NR6A1: variants seen among roughly 807,000 people sequenced by gnomAD.
NR6A1 encodes retinoic acid receptor-related testis-associated receptor.
A neutral mutation model predicts 59.1 loss-of-function variants in NR6A1; 7 were observed. The observed-to-expected ratio is 0.12, with a 90% CI of 0.07 to 0.22. NR6A1 has a LOEUF of 0.22. Among genes scored for constraint, NR6A1 ranks in the 10% least tolerant of loss-of-function variants. The probability of loss-of-function intolerance (pLI) is 1.00; values close to 1 mark genes in which losing one functional copy is unlikely to be tolerated. For synonymous variants in NR6A1, 243 were observed against 236.1 expected, an observed-to-expected ratio of 1.03 and a Z score of -0.27; for missense variants, 468 against 611.6, an observed-to-expected ratio of 0.77 and a Z score of 2.48.
At chr9:124,639,429 T>C (rs1836708117) in intron 2 of NR6A1, among the ~76,000 whole-genome samples, 1 of 152,208 alleles carries the variant, frequency 6.6e-6, no homozygotes, top group Non-Finnish European at 1.5e-5. Context: ...ATAGACAGCA[T>C]CCCGATTTTA....
At chr9:124,594,905 T>C (rs1455187531) in intron 2 of NR6A1, among the ~76,000 whole-genome samples, 2 of 152,240 alleles carry the variant, frequency 1.3e-5, no homozygotes, top group Non-Finnish European at 2.9e-5. Flanking sequence ...GTAGGGTTAA[T>C]GCCAGTCCTA....
intron 1 of NR6A1, among the ~76,000 whole-genome samples, chr9:124,762,264 T>C (rs1840802875): frequency 6.6e-6 from 1 of 152,180 alleles, no homozygotes; most frequent in Non-Finnish European, 1.5e-5. Context: ...CTATGAAAAA[T>C]TTAAAATATT....
chr9:124,562,536 C>T (rs1240177857), intron 2 of NR6A1, among the ~76,000 whole-genome samples: 1 of 152,082 alleles, frequency 6.6e-6, no homozygotes, highest in Non-Finnish European at 1.5e-5. Context: ...CCTCAAATGA[C>T]CCTCACGCCT....
intron 2 of NR6A1, among the ~76,000 whole-genome samples, chr9:124,723,246 T>A (rs1210928748): frequency 6.6e-6 from 1 of 152,212 alleles, no homozygotes; most frequent in Non-Finnish European, 1.5e-5. Flanking sequence ...CTGTAAGACC[T>A]TGCTATTGAC....
chr9:124,639,859 AAGAG>A (rs1836721670), intron 2 of NR6A1, among the ~76,000 whole-genome samples: 2 of 152,220 alleles, frequency 1.3e-5, no homozygotes, highest in Non-Finnish European at 2.9e-5. Flanking sequence ...GAGTGTGTTA[AAGAG>A]AGAAAGGAAG....
At chr9:124,601,611 GAAAAGAAAAGA>G (rs1361451327) in intron 2 of NR6A1, among the ~76,000 whole-genome samples, 1 of 131,608 alleles carries the variant, frequency 7.6e-6, no homozygotes, top group Non-Finnish European at 1.7e-5. Flanking sequence ...AAAGAAAAAA[GAAAAGAAAAGA>G]AAAAAAAAGA....
At chr9:124,645,825 C>A (rs73583604) in intron 2 of NR6A1, among the ~76,000 whole-genome samples, 2,752 of 152,268 alleles carry the variant, frequency 0.018, 76 homozygotes, top group African/African-American at 0.062. Context: ...ATTTCACATT[C>A]TTCTCAAGTT....
intron 2 of NR6A1, among the ~76,000 whole-genome samples, chr9:124,591,187 A>T (rs976119522): frequency 2.6e-5 from 4 of 152,216 alleles, no homozygotes; most frequent in Admixed American, 6.5e-5. Flanking sequence ...GGCTCACCCA[A>T]GAATTCTCTT....
At position 124,664,750 on chromosome 9, in the gene NR6A1, A is replaced by C. The variant is rs140600174; in HGVS notation, c.142+68558T>G. Among the ~76,000 whole-genome samples, 840 of 152,280 alleles carry C rather than the reference A, an allele frequency of 5.5e-3. 7 individuals carry two copies. The highest frequency in any genetic ancestry group is 0.019 in the African/African-American group (798 of 41,558). On this transcript the variant is annotated intron_variant, in intron 2 of 9. Transcript: ENST00000487099. The stretch of plus-strand genomic sequence containing the variant: ...AACCTTTTTTCCAGTCATTCATCTA[A>C]TCAATATTAAGCTTCTAATATGTAT...
At chr9:124,741,955 G>T (rs1409998254) in intron 1 of NR6A1, among the ~76,000 whole-genome samples, 1 of 152,186 alleles carries the variant, frequency 6.6e-6, no homozygotes, top group Non-Finnish European at 1.5e-5. Flanking sequence ...GCACAGAGAG[G>T]AGACAGGCAT....
At chr9:124,624,078 A>ATATGAACCCAG (rs1204719951) in intron 2 of NR6A1, among the ~76,000 whole-genome samples, 54 of 152,342 alleles carry the variant, frequency 3.5e-4, no homozygotes, top group African/African-American at 9.1e-4. Context: ...GGGCAGAGCT[A>ATATGAACCCAG]GAATATGAAC....
At chr9:124,558,850 C>T (rs1238260747) in intron 2 of NR6A1, among the ~76,000 whole-genome samples, 1 of 151,246 alleles carries the variant, frequency 6.6e-6, no homozygotes. Context: ...CCCAACCAAC[C>T]AACCAAAAAA....
intron 8 of NR6A1, 79 bp from the exon 9 acceptor site, chr9:124,524,952 T>G: frequency 3.5e-6 from 5 of 1,447,342 alleles, no homozygotes; most frequent in Non-Finnish European, 4.6e-6. Flanking sequence ...ACCAGCTCCT[T>G]AAATATGTTC....
At chr9:124,536,847 G>A (rs936600532) in intron 6 of NR6A1, among the ~76,000 whole-genome samples, 5 of 152,146 alleles carry the variant, frequency 3.3e-5, no homozygotes, top group Admixed American at 2.6e-4. Context: ...AATAAGCCTC[G>A]CGTCCAGACC....
At chr9:124,638,042 G>C (rs975548311) in intron 2 of NR6A1, among the ~76,000 whole-genome samples, 2 of 152,066 alleles carry the variant, frequency 1.3e-5, no homozygotes, top group African/African-American at 4.8e-5. Flanking sequence ...GAGTCCAGGA[G>C]TTCTGGACCA....
intron 2 of NR6A1, among the ~76,000 whole-genome samples, chr9:124,723,863 GAATCC>G (rs1239112673): frequency 6.6e-6 from 1 of 152,184 alleles, no homozygotes; most frequent in Admixed American, 6.5e-5. Context: ...AAGCCAAGTT[GAATCC>G]AAGCAATCTT....
chr9:124,523,570 G>A (rs1383970856), intron 9 of NR6A1, among the ~76,000 whole-genome samples: 1 of 151,484 alleles, frequency 6.6e-6, no homozygotes, highest in Admixed American at 6.6e-5. Context: ...CGCCAAGGCT[G>A]AGGACCCAGT....
chr9:124,770,991 G>C, intron 1 of NR6A1, 29 bp downstream of exon 1: 1 of 1,178,622 alleles, frequency 8.5e-7, no homozygotes, highest in Non-Finnish European at 1.1e-6. Flanking sequence ...GTTCCTGCCT[G>C]GCCCGGGCGT....
intron 2 of NR6A1, among the ~76,000 whole-genome samples, chr9:124,704,306 A>C (rs755542840): frequency 6.6e-6 from 1 of 152,204 alleles, no homozygotes; most frequent in Non-Finnish European, 1.5e-5. Flanking sequence ...TCAGAGGACC[A>C]ACTTTAGTTT....
Sources: gnomAD v4.1 joint callset for allele counts (sites outside exome capture counted in the v4.1 genomes callset) on GRCh38, gnomAD v4.1.1 for gene constraint, MANE v1.5 for transcripts, NCBI Gene and HGNC (gene_info 2026-07-23, HGNC 2026-07-21) for gene names.